The following SPTB variants were observed in gnomAD, a reference collection of about 807,000 sequenced individuals.
SPTB encodes the protein spectrin beta chain, erythrocytic.
Under a neutral mutation model 256.2 loss-of-function variants are expected in SPTB, and 45 were observed. That is an observed-to-expected ratio of 0.18 (90% CI 0.14 to 0.23). The LOEUF is 0.23. SPTB is among the 10% of genes least tolerant of loss of function. The probability of loss-of-function intolerance (pLI) is 1.00; values close to 1 mark genes in which losing one functional copy is unlikely to be tolerated. For synonymous variants in SPTB, 1,231 were observed against 1,243.1 expected, an observed-to-expected ratio of 0.99 and a Z score of 0.21; for missense variants, 2,715 against 3,040.4, an observed-to-expected ratio of 0.89 and a Z score of 2.52.
At position 64,766,741 on chromosome 14, in the gene SPTB, G is replaced by T. The variant is rs751673185; in HGVS notation, c.6330C>A (p.Thr2110=). ...GEAPVSHHAA[T]ERTSPGEEEG... Reference sequence around the variant, plus strand: ...AGAGACTGACCGGGGACGTTCTCTCGGTGGCCGCATGGTGGGAAACTGGAG... The same window carrying T: ...AGAGACTGACCGGGGACGTTCTCTCTGTGGCCGCATGGTGGGAAACTGGAG... The change falls in exon 32 of 36, where the codon ACC becomes ACA. Residue 2110 remains threonine, a synonymous_variant. Coordinates refer to ENST00000644917, the MANE Select transcript of SPTB (RefSeq NM_001355436.2). 9 of 1,613,206 alleles carry T rather than the reference G, an allele frequency of 5.6e-6. No homozygotes were observed. The highest frequency in any genetic ancestry group is 7.6e-6 in the Non-Finnish European group (9 of 1,179,938).
At chr14:64,752,937 C>G (rs867851740) in intron 33 of SPTB, among the ~76,000 whole-genome samples, 1 of 151,982 alleles carries the variant, frequency 6.6e-6, no homozygotes, top group East Asian at 1.9e-4. Context: ...AAGGACATGA[C>G]TGTTTCAGGG....
At chr14:64,859,969 C>T (rs1485318609) in intron 1 of SPTB, among the ~76,000 whole-genome samples, 1 of 152,136 alleles carries the variant, frequency 6.6e-6, no homozygotes, top group African/African-American at 2.4e-5. Flanking sequence ...CCCACCACAT[C>T]TCAATGAGAA....
chr14:64,773,071 A>G (rs1594759408), intron 25 of SPTB, 117 bp from the exon 26 acceptor site: 2 of 1,556,318 alleles, frequency 1.3e-6, no homozygotes, highest in East Asian at 4.7e-5. Context: ...GCGCTGTCAC[A>G]CCTTCCCCAG....
chr14:64,769,514 C>T (rs2082245712), intron 28 of SPTB, 76 bp downstream of exon 28: 5 of 1,587,416 alleles, frequency 3.1e-6, no homozygotes, highest in Non-Finnish European at 4.3e-6. Context: ...TCTCATCTCC[C>T]TCCCAGGAGG....
intron 3 of SPTB, among the ~76,000 whole-genome samples, chr14:64,804,504 A>G (rs774178699): frequency 7.9e-5 from 12 of 152,228 alleles, no homozygotes; most frequent in Non-Finnish European, 1.8e-4. Flanking sequence ...TTTGGGGTCA[A>G]CAGTATTGCC....
At chr14:64,855,820 T>C (rs572584946) in intron 1 of SPTB, among the ~76,000 whole-genome samples, 77 of 152,282 alleles carry the variant, frequency 5.1e-4, no homozygotes, top group African/African-American at 1.4e-3. Flanking sequence ...CTCCACCAGA[T>C]TGCCTTAGAG....
Position 64,827,362 on chromosome 14 carries a change from A to G in SPTB, c.-51-4217T>C, listed in dbSNP as rs896052613. Among the ~76,000 whole-genome samples the G allele has an allele frequency of 1.3e-5, 2 of 152,230 alleles. No individual in the cohort carries two copies. Among genetic ancestry groups the G allele is most frequent in the Admixed American group, 1.3e-4 (2 of 15,288 alleles). ...GGGCTGAGGAGCAGGCTGTTGAAAT[A>G]GCAAGGACACTGTCTTTCTTAAACA... On this transcript the variant is annotated intron_variant, in intron 1 of 35. Coordinates refer to ENST00000644917, the MANE Select transcript of SPTB (RefSeq NM_001355436.2). This position sits in a 1 kb window ranked among gnomAD's most constrained non-coding sequence, Gnocchi z 4.6.
intron 2 of SPTB, among the ~76,000 whole-genome samples, chr14:64,812,092 G>A (rs1016639663): frequency 7.9e-5 from 12 of 152,010 alleles, no homozygotes; most frequent in Non-Finnish European, 4.4e-5. Flanking sequence ...GGGATTACAG[G>A]CATGTGCCAA....
intron 2 of SPTB, among the ~76,000 whole-genome samples, chr14:64,820,890 C>A (rs1367490446): frequency 6.6e-6 from 1 of 152,000 alleles, no homozygotes; most frequent in Non-Finnish European, 1.5e-5. Flanking sequence ...CTTGGCCAGG[C>A]TGGTCTTGAA....
At chr14:64,874,488 C>T (rs779011714) in intron 1 of SPTB, among the ~76,000 whole-genome samples, 2 of 152,190 alleles carry the variant, frequency 1.3e-5, no homozygotes, top group Non-Finnish European at 2.9e-5. Context: ...GGCCTTTCTA[C>T]CTCTAACTCT....
chr14:64,814,255 A>T (rs2083145644), intron 2 of SPTB, among the ~76,000 whole-genome samples: 1 of 152,214 alleles, frequency 6.6e-6, no homozygotes, highest in Non-Finnish European at 1.5e-5. Flanking sequence ...TAGCCATTAA[A>T]ATAATTTGCA....
At chr14:64,870,194 T>C (rs1882447479) in intron 1 of SPTB, among the ~76,000 whole-genome samples, 1 of 151,956 alleles carries the variant, frequency 6.6e-6, no homozygotes, top group Non-Finnish European at 1.5e-5. Flanking sequence ...GAAGAGGGGC[T>C]GTCAGGCAAG....
rs78800175 is a variant in SPTB at position 64,853,007 on chromosome 14, G to A, written c.-52+26785C>T. 0.016 allele frequency among the ~76,000 whole-genome samples: 2,434 copies of A among 152,296 alleles called. 22 individuals are homozygous for A. Among genetic ancestry groups the A allele is most frequent in the Middle Eastern group, 0.048 (14 of 294 alleles). On this transcript the variant is annotated intron_variant, in intron 1 of 35. Transcript: ENST00000644917. This position sits in a 1 kb window ranked among gnomAD's most constrained non-coding sequence, Gnocchi z 4.3. ...AACAGGGAGGTTTTCACTAGCTTGG[G>A]GGATGTGGGGAGGCTTCCCTGAGGA...
At chr14:64,817,252 A>G (rs1442889705) in intron 2 of SPTB, among the ~76,000 whole-genome samples, 3 of 152,184 alleles carry the variant, frequency 2.0e-5, no homozygotes, top group African/African-American at 7.2e-5. Flanking sequence ...TGGCAGGTTT[A>G]TCTACACTGT....
In SPTB at chr14:64,841,744, TA is replaced by T. The variant is rs1324677199; in HGVS notation, c.-51-18600del. 3.3e-5 allele frequency among the ~76,000 whole-genome samples: 5 copies of T among 151,830 alleles called. No individual in the cohort carries two copies. Among genetic ancestry groups the T allele is most frequent in the Non-Finnish European group, 7.4e-5 (5 of 67,996 alleles). On this transcript the variant is annotated intron_variant, in intron 1 of 35. Coordinates refer to ENST00000644917, the MANE Select transcript of SPTB (RefSeq NM_001355436.2). The surrounding 1 kb of genome is among the most constrained non-coding windows in gnomAD (Gnocchi z 4.6). ...CCCAGCTGCCCTCTGACATCCCATA[TA>T]TATATATATATTTTTTAAGGGTCTT... is the stretch of plus-strand genomic sequence containing the variant.
chr14:64,800,922 G>A (rs2082873323), intron 7 of SPTB, 54 bp from the exon 8 acceptor site: 1 of 1,405,752 alleles, frequency 7.1e-7, no homozygotes, highest in Non-Finnish European at 1.0e-6. Flanking sequence ...GGGAAAGTCA[G>A]GCTCAGAGGG....
At position 64,769,612 on chromosome 14, in the gene SPTB, C is replaced by T. The variant is rs140141633; in HGVS notation, c.5915G>A (p.Arg1972Gln). 3,520 of 1,614,034 alleles carry T rather than the reference C, an allele frequency of 2.2e-3. 5 individuals carry two copies. Among genetic ancestry groups the T allele is most frequent in the Non-Finnish European group, 2.7e-3 (3,225 of 1,180,040 alleles). The stretch of plus-strand genomic sequence containing the variant: ...CACCTCCTCTGAGGCCTGGTGCTGC[C>T]GCTGCAGCAGGGACTCGCCAAGCTC... Reference protein sequence around the residue: ...CLELGESLLQRQHQASEEIRE... With the variant: ...CLELGESLLQQQHQASEEIRE... Residue 1972 changes from arginine (R) to glutamine (Q), a missense_variant, in exon 28 of 36, where the codon CGG becomes CAG. By Grantham distance (43) the Arg-to-Gln change is conservative (BLOSUM62 1). Around this residue, in one of 4 missense-constraint regions of SPTB, gnomAD observed 2,239 missense variants for 2,384.4 expected, o/e 0.94. Coordinates refer to ENST00000644917, the MANE Select transcript of SPTB (RefSeq NM_001355436.2).
chr14:64,749,715 T>A lies in SPTB; in HGVS notation c.6777-19A>T. 2 of 1,613,118 alleles carry A rather than the reference T, an allele frequency of 1.2e-6. No homozygotes were observed. Reference sequence around the variant, plus strand: ...ACTCAGCCTAGGAGGACAAAGGGTTTCCTGTCATGGAGACACCTCTGGAGG... The same window carrying A: ...ACTCAGCCTAGGAGGACAAAGGGTTACCTGTCATGGAGACACCTCTGGAGG... On this transcript the variant is annotated intron_variant, in intron 34 of 35. Coordinates refer to ENST00000644917, the MANE Select transcript of SPTB (RefSeq NM_001355436.2). This position sits in a 1 kb window ranked among gnomAD's most constrained non-coding sequence, Gnocchi z 4.7.
chr14:64,797,539 G>C (rs2082799032), intron 10 of SPTB, among the ~76,000 whole-genome samples, 190 bp downstream of exon 10: 1 of 143,762 alleles, frequency 7.0e-6, no homozygotes, highest in Non-Finnish European at 1.5e-5. Flanking sequence ...CAGGGGGATT[G>C]AAGGAGGGTG....
Sources: allele counts gnomAD v4.1 joint callset (sites outside exome capture counted in the v4.1 genomes callset), GRCh38; gene constraint gnomAD v4.1.1; regional missense constraint gnomAD v4.1.1; non-coding constraint Gnocchi (gnomAD v3.1); transcripts MANE v1.5; gene names NCBI Gene and HGNC (gene_info 2026-07-23, HGNC 2026-07-21).